CTNNA3: variants seen among roughly 807,000 people sequenced by gnomAD.
CTNNA3 encodes the protein catenin alpha 3, also known as catenin alpha-3.
In CTNNA3, 76 loss-of-function variants were observed where a neutral mutation model predicts 95.7. The observed-to-expected ratio is 0.79, with a 90% CI of 0.66 to 0.96. The LOEUF (loss-of-function observed/expected upper bound fraction) is 0.96, where lower values mean the gene tolerates loss of function less well. Among genes scored for constraint, CTNNA3 ranks in the 40% least tolerant of loss-of-function variants. CTNNA3 has a pLI of 0.00. For missense variants in CTNNA3, 1,191 were observed against 1,089.8 expected (o/e 1.09, Z -1.31); for synonymous variants, 431 against 374.4 (o/e 1.15, Z -1.74).
chr10:66,517,577 G>A (rs1015729249), intron 11 of CTNNA3, among the ~76,000 whole-genome samples: 1 of 151,978 alleles, frequency 6.6e-6, no homozygotes, highest in Non-Finnish European at 1.5e-5. Context: ...GGTCTAAAAG[G>A]GGGAGGCATG....
At chr10:66,772,697 C>A (rs1840143028) in intron 8 of CTNNA3, among the ~76,000 whole-genome samples, 1 of 152,126 alleles carries the variant, frequency 6.6e-6, no homozygotes, top group Non-Finnish European at 1.5e-5. Context: ...TTGATGTCCT[C>A]AAATCTATAA....
chr10:67,270,795 T>C (rs1838939664), intron 5 of CTNNA3, among the ~76,000 whole-genome samples: 1 of 152,194 alleles, frequency 6.6e-6, no homozygotes, highest in Non-Finnish European at 1.5e-5. Flanking sequence ...TGAGTTTTTA[T>C]ATGTGACGCT....
chr10:67,736,935 A>G (rs1202336869), intron 1 of CTNNA3, among the ~76,000 whole-genome samples: 1 of 152,218 alleles, frequency 6.6e-6, no homozygotes, highest in Middle Eastern at 3.4e-3. Context: ...AATCCAAAAA[A>G]GAAGAAATCA....
At chr10:67,705,797 G>A (rs1488072519) in intron 1 of CTNNA3, among the ~76,000 whole-genome samples, 2 of 147,554 alleles carry the variant, frequency 1.4e-5, no homozygotes, top group African/African-American at 2.5e-5. Context: ...AAAAAAAAAA[G>A]AAAGAAAGAA....
At chr10:67,482,330 T>G (rs1848266972) in intron 5 of CTNNA3, among the ~76,000 whole-genome samples, 2 of 152,190 alleles carry the variant, frequency 1.3e-5, no homozygotes, top group African/African-American at 4.8e-5. Flanking sequence ...ATCTATAAAT[T>G]ACCTTGGGCA....
intron 7 of CTNNA3, among the ~76,000 whole-genome samples, chr10:66,979,747 T>A (rs1223400433): frequency 6.6e-6 from 1 of 152,194 alleles, no homozygotes. Flanking sequence ...TATAATCTAC[T>A]TTATCACTAT....
intron 11 of CTNNA3, among the ~76,000 whole-genome samples, chr10:66,403,366 T>C (rs770394182): frequency 6.6e-6 from 1 of 152,058 alleles, no homozygotes; most frequent in Non-Finnish European, 1.5e-5. Context: ...TAAAGAAGAA[T>C]TGTAATTGAC....
chr10:66,697,901 G>C (rs1847822476), intron 9 of CTNNA3, among the ~76,000 whole-genome samples: 1 of 152,074 alleles, frequency 6.6e-6, no homozygotes, highest in Non-Finnish European at 1.5e-5. Flanking sequence ...TCAGGCCAAT[G>C]GTGGTCTCAA....
intron 9 of CTNNA3, among the ~76,000 whole-genome samples, chr10:66,764,318 C>T (rs977907130): frequency 5.9e-5 from 9 of 152,040 alleles, no homozygotes; most frequent in Non-Finnish European, 8.8e-5. Context: ...AACAGTAAAC[C>T]ATCATTTGGT....
At chr10:66,496,364 C>T (rs1161002786) in intron 11 of CTNNA3, among the ~76,000 whole-genome samples, 1 of 152,108 alleles carries the variant, frequency 6.6e-6, no homozygotes. Context: ...GATATATCTA[C>T]ATAAAGTGTG....
chr10:66,361,339 C>G (rs2092673243), intron 12 of CTNNA3, among the ~76,000 whole-genome samples: 1 of 138,126 alleles, frequency 7.2e-6, no homozygotes, highest in African/African-American at 2.6e-5. Flanking sequence ...CCCTCCCTCC[C>G]TCCTTTCCTT....
rs1212000913 is a variant in CTNNA3, at chr10:65,920,249, A to G, written c.*81T>C. 7.3e-6 allele frequency: 9 copies of G among 1,230,384 alleles called. No individual in the cohort carries two copies. Among genetic ancestry groups the G allele is most frequent in the Admixed American group, 6.7e-5 (3 of 44,900 alleles). 76.2% of individuals were successfully genotyped at this position (1,230,384 alleles called of 1,614,324 possible). A position where few individuals can be genotyped will look rare whatever the true frequency, so the allele number is the denominator to read the frequency against. ...TTAAACACCAAAACTTAGTGAAATT[A>G]CAGAACTTCTTAAGTGTAAAATAAA... On this transcript the variant is annotated 3_prime_UTR_variant, in exon 18 of 18. Transcript: ENST00000433211.
chr10:66,195,241 C>G (rs2086890947), intron 13 of CTNNA3, among the ~76,000 whole-genome samples: 1 of 151,892 alleles, frequency 6.6e-6, no homozygotes, highest in Admixed American at 6.6e-5. Flanking sequence ...TTTATTTTCT[C>G]TATATATAAC....
At chr10:66,413,019 A>G (rs1457172992) in intron 11 of CTNNA3, among the ~76,000 whole-genome samples, 1 of 152,220 alleles carries the variant, frequency 6.6e-6, no homozygotes, top group Non-Finnish European at 1.5e-5. Flanking sequence ...ATTGCAATAT[A>G]AGTAACATGT....
intron 15 of CTNNA3, among the ~76,000 whole-genome samples, chr10:66,066,224 A>G (rs1209562386): frequency 1.3e-5 from 2 of 152,186 alleles, no homozygotes; most frequent in African/African-American, 4.8e-5. Context: ...GTTGTTTTTC[A>G]TATAAATGTA....
At chr10:66,258,714 C>T (rs1159764508) in intron 13 of CTNNA3, among the ~76,000 whole-genome samples, 1 of 152,066 alleles carries the variant, frequency 6.6e-6, no homozygotes, top group Non-Finnish European at 1.5e-5. Flanking sequence ...AGGAATCCCT[C>T]CCCACCTCCC....
chr10:66,076,304 C>T (rs1467931909), intron 14 of CTNNA3, among the ~76,000 whole-genome samples: 2 of 151,458 alleles, frequency 1.3e-5, no homozygotes, highest in Non-Finnish European at 3.0e-5. Flanking sequence ...ATATAAAGTG[C>T]TTTTGGCAAA....
At chr10:66,381,139 A>G (rs1253326754) in intron 11 of CTNNA3, among the ~76,000 whole-genome samples, 1 of 152,168 alleles carries the variant, frequency 6.6e-6, no homozygotes, top group Non-Finnish European at 1.5e-5. Context: ...TCTGGCTTCT[A>G]TTATTCTGTT....
chr10:67,761,548 C>A (rs1841461418), intron 1 of CTNNA3, among the ~76,000 whole-genome samples: 1 of 152,126 alleles, frequency 6.6e-6, no homozygotes, highest in Non-Finnish European at 1.5e-5. Context: ...TTGCCTTCCA[C>A]ACCCAAATTA....
Sources: allele counts gnomAD v4.1 joint callset (sites outside exome capture counted in the v4.1 genomes callset), GRCh38; gene constraint gnomAD v4.1.1; transcripts MANE v1.5; gene names NCBI Gene and HGNC (gene_info 2026-07-23, HGNC 2026-07-21).